Variants in PPP3CA observed in about 807,000 individuals in gnomAD.
PPP3CA encodes CAM-PRP catalytic subunit.
A neutral mutation model predicts 66.5 loss-of-function variants in PPP3CA; 14 were observed. That is an observed-to-expected ratio of 0.21 (90% confidence interval 0.14 to 0.33). The LOEUF is 0.33. PPP3CA is among the 10% of genes least tolerant of loss of function. The probability of loss-of-function intolerance (pLI) is 1.00; values close to 1 mark genes in which losing one functional copy is unlikely to be tolerated. For synonymous variants in PPP3CA, 232 were observed against 226.2 expected (o/e 1.03, Z -0.23); for missense variants, 317 against 639.5 (o/e 0.50, Z 5.44).
At chr4:101,243,445 T>C (rs1182716561) in intron 1 of PPP3CA, among the ~76,000 whole-genome samples, 3 of 152,138 alleles carry the variant, frequency 2.0e-5, no homozygotes, top group South Asian at 2.1e-4. Flanking sequence ...TCCACATCTA[T>C]GGATTCAACC....
intron 2 of PPP3CA, among the ~76,000 whole-genome samples, chr4:101,158,639 C>T (rs1723403272): frequency 6.6e-6 from 1 of 152,182 alleles, no homozygotes; most frequent in African/African-American, 2.4e-5. Context: ...GTGACCTCAA[C>T]TGTGGCCTCT....
intron 1 of PPP3CA, among the ~76,000 whole-genome samples, chr4:101,210,194 A>C (rs370449777): frequency 6.6e-6 from 1 of 152,118 alleles, no homozygotes. Context: ...TTATTATGAT[A>C]ATGACCAGAC....
intron 6 of PPP3CA, among the ~76,000 whole-genome samples, chr4:101,091,709 A>T (rs1729950301): frequency 6.6e-6 from 1 of 151,782 alleles, no homozygotes; most frequent in African/African-American, 2.4e-5. Flanking sequence ...GAGACAGAAG[A>T]TACACAGCTG....
intron 1 of PPP3CA, among the ~76,000 whole-genome samples, chr4:101,304,622 C>T (rs935289391): frequency 6.6e-6 from 1 of 152,070 alleles, no homozygotes; most frequent in African/African-American, 2.4e-5. Context: ...TCCTAAATTT[C>T]GTCATGTTAA....
At chr4:101,290,593 C>A (rs1727992731) in intron 1 of PPP3CA, among the ~76,000 whole-genome samples, 1 of 152,104 alleles carries the variant, frequency 6.6e-6, no homozygotes, top group Non-Finnish European at 1.5e-5. Flanking sequence ...GAGCAGCGAT[C>A]AAAACAGGCA....
At chr4:101,032,619 C>A (rs2732499) in intron 11 of PPP3CA, among the ~76,000 whole-genome samples, 114,449 of 151,990 alleles carry the variant, frequency 0.75, 44,745 homozygotes, top group African/African-American at 0.88. Flanking sequence ...AGTATCGAAG[C>A]TAGATAGATA....
chr4:101,193,749 T>A (rs896623972), intron 2 of PPP3CA, among the ~76,000 whole-genome samples: 1 of 151,958 alleles, frequency 6.6e-6, no homozygotes, highest in Non-Finnish European at 1.5e-5. Context: ...TTCATTGTCT[T>A]ATGAACACTT....
chr4:101,033,446 T>TTCAAC (rs1270084510), intron 11 of PPP3CA, among the ~76,000 whole-genome samples: 7 of 152,134 alleles, frequency 4.6e-5, no homozygotes, highest in Admixed American at 2.0e-4. Context: ...ACAATCTGTC[T>TTCAAC]TCAACTCAGA....
chr4:101,113,660 A>G (rs1391742150), intron 2 of PPP3CA, among the ~76,000 whole-genome samples: 1 of 152,082 alleles, frequency 6.6e-6, no homozygotes, highest in African/African-American at 2.4e-5. Flanking sequence ...CACCATTTTG[A>G]TATCAAATTT....
intron 12 of PPP3CA, among the ~76,000 whole-genome samples, chr4:101,029,498 A>T (rs1726841450): frequency 6.6e-6 from 1 of 151,886 alleles, no homozygotes; most frequent in African/African-American, 2.4e-5. Context: ...ACTTAGGAAA[A>T]TTTCTTTTAC....
At chr4:101,320,610 T>C (rs1729014219) in intron 1 of PPP3CA, among the ~76,000 whole-genome samples, 4 of 152,044 alleles carry the variant, frequency 2.6e-5, no homozygotes, top group Non-Finnish European at 5.9e-5. Flanking sequence ...AACCTTCATA[T>C]AGAAAGAAAC....
intron 2 of PPP3CA, among the ~76,000 whole-genome samples, chr4:101,158,486 A>G (rs1723397522): frequency 6.6e-6 from 1 of 152,176 alleles, no homozygotes; most frequent in African/African-American, 2.4e-5. Context: ...TCAAATGAAG[A>G]TGAGTTAAGG....
chr4:101,220,138 C>T (rs1725577460), intron 1 of PPP3CA, among the ~76,000 whole-genome samples: 1 of 151,760 alleles, frequency 6.6e-6, no homozygotes, highest in South Asian at 2.1e-4. Context: ...TGTTACAATA[C>T]ATACGAATAT....
At chr4:101,184,039 A>T (rs1333253247) in intron 2 of PPP3CA, among the ~76,000 whole-genome samples, 1 of 152,166 alleles carries the variant, frequency 6.6e-6, no homozygotes, top group Non-Finnish European at 1.5e-5. Context: ...AGGTCAGAAA[A>T]AAGAGAAGTG....
intron 2 of PPP3CA, among the ~76,000 whole-genome samples, chr4:101,124,725 G>GAAAGAAAGAAAGAAAAAGAA (rs1412415941): frequency 3.4e-5 from 2 of 58,768 alleles, no homozygotes; most frequent in African/African-American, 5.7e-5. Context: ...AAGAAAGAAA[G>GAAAGAAAGAAAGAAAAAGAA]AGAAAGAAAG....
intron 2 of PPP3CA, among the ~76,000 whole-genome samples, chr4:101,192,814 T>C (rs896406612): frequency 8.5e-5 from 13 of 152,352 alleles, no homozygotes; most frequent in African/African-American, 3.1e-4. Context: ...ATTATCTCTT[T>C]ATGTGTCTGA....
chr4:101,262,982 A>C (rs1017500852), intron 1 of PPP3CA, among the ~76,000 whole-genome samples: 3 of 152,192 alleles, frequency 2.0e-5, no homozygotes, highest in Non-Finnish European at 4.4e-5. Context: ...AACACTGAAA[A>C]TATACCAATA....
intron 2 of PPP3CA, among the ~76,000 whole-genome samples, chr4:101,177,479 C>T (rs921565490): frequency 2.0e-5 from 3 of 151,994 alleles, no homozygotes; most frequent in Admixed American, 6.6e-5. Context: ...TTCACTAATA[C>T]TATTATTTTC....
intron 2 of PPP3CA, among the ~76,000 whole-genome samples, chr4:101,124,876 C>T (rs189804777): frequency 1.3e-3 from 192 of 152,262 alleles, no homozygotes; most frequent in Non-Finnish European, 2.3e-3. Context: ...AGCTCTTTCA[C>T]ATTGATATTC....
Sources: allele counts gnomAD v4.1 joint callset (sites outside exome capture counted in the v4.1 genomes callset), GRCh38; gene constraint gnomAD v4.1.1; transcripts MANE v1.5; gene names NCBI Gene and HGNC (gene_info 2026-07-23, HGNC 2026-07-21).